The following PTPRQ variants were observed in gnomAD, a reference collection of about 807,000 sequenced individuals.
PTPRQ encodes the protein protein tyrosine phosphatase receptor type Q, also known as phosphatidylinositol phosphatase PTPRQ.
PTPRQ carries 199 observed loss-of-function variants against 246.0 expected under a neutral mutation model. That is an observed-to-expected ratio of 0.81 (90% confidence interval 0.72 to 0.91). PTPRQ has a LOEUF of 0.91. PTPRQ is among the 40% of genes least tolerant of loss of function. The pLI is 0.00. For synonymous variants in PTPRQ, 869 were observed against 853.2 expected, an observed-to-expected ratio of 1.02 and a Z score of -0.32; for missense variants, 2,624 against 2,528.4, an observed-to-expected ratio of 1.04 and a Z score of -0.81.
At chr12:80,595,734 G>A (rs1335126820) in intron 26 of PTPRQ, among the ~76,000 whole-genome samples, 1 of 91,840 alleles carries the variant, frequency 1.1e-5, no homozygotes, top group East Asian at 3.2e-4. Flanking sequence ...TCCCACAACA[G>A]TCCCCAGAGT....
chr12:80,552,062 C>T lies in PTPRQ; in HGVS notation c.4285+2328C>T, dbSNP rs777182799. Among the ~76,000 whole-genome samples, 10 of 152,076 alleles carry T rather than the reference C, an allele frequency of 6.6e-5. 1 individual carries two copies. Among genetic ancestry groups the T allele is most frequent in the Admixed American group, 5.9e-4 (9 of 15,242 alleles). On this transcript the variant is annotated intron_variant, in intron 25 of 44. Transcript: ENST00000644991. ...CTGGACTTCATCCCAGACTTGCTGACTCATAGCCTCAATGAGTGAAGCTTA... is the reference window on the plus strand; with the variant it reads ...CTGGACTTCATCCCAGACTTGCTGATTCATAGCCTCAATGAGTGAAGCTTA...
chr12:80,521,608 A>G (rs1565761378), intron 17 of PTPRQ, among the ~76,000 whole-genome samples: 1 of 152,052 alleles, frequency 6.6e-6, no homozygotes, highest in Non-Finnish European at 1.5e-5. Flanking sequence ...AGCACCATTT[A>G]TTAAATAGGG....
chr12:80,461,260 C>T (rs12313529), intron 6 of PTPRQ, among the ~76,000 whole-genome samples: 14,618 of 152,034 alleles, frequency 0.096, 1,478 homozygotes, highest in African/African-American at 0.25. Context: ...TCATCAAAAG[C>T]AGAAATACCT....
chr12:80,525,502 A>C (rs1353895243), intron 17 of PTPRQ, among the ~76,000 whole-genome samples: 1 of 152,168 alleles, frequency 6.6e-6, no homozygotes, highest in Non-Finnish European at 1.5e-5. Context: ...TTGAGTCTTG[A>C]AGCCAGAATA....
At chr12:80,637,319 A>G (rs940326569) in intron 35 of PTPRQ, among the ~76,000 whole-genome samples, 4 of 152,142 alleles carry the variant, frequency 2.6e-5, no homozygotes, top group African/African-American at 7.2e-5. Context: ...GGTCTACTTT[A>G]TTTGACCTTC....
chr12:80,546,527 T>A (rs1408133332), intron 23 of PTPRQ, 29 bp from the exon 24 acceptor site: 1 of 1,532,342 alleles, frequency 6.5e-7, no homozygotes, highest in Non-Finnish European at 8.8e-7. Flanking sequence ...GACAGTGCAT[T>A]AACTAATAAC....
intron 25 of PTPRQ, among the ~76,000 whole-genome samples, chr12:80,567,848 G>C (rs1447811867): frequency 1.3e-5 from 2 of 152,110 alleles, no homozygotes; most frequent in African/African-American, 4.8e-5. Flanking sequence ...TGCACTGTAT[G>C]AAATACATAC....
intron 25 of PTPRQ, among the ~76,000 whole-genome samples, chr12:80,587,391 A>T (rs1159056773): frequency 6.6e-6 from 1 of 152,168 alleles, no homozygotes; most frequent in Non-Finnish European, 1.5e-5. Context: ...ATATCACTTA[A>T]TTGATTGCTC....
intron 24 of PTPRQ, 53 bp from the exon 25 acceptor site, chr12:80,549,412 A>T: frequency 6.8e-7 from 1 of 1,461,404 alleles, no homozygotes; most frequent in Non-Finnish European, 9.1e-7. Flanking sequence ...TCAATCAATT[A>T]TCTACTTACA....
chr12:80,472,732 G>C (rs750141306), intron 8 of PTPRQ, among the ~76,000 whole-genome samples: 1 of 152,110 alleles, frequency 6.6e-6, no homozygotes, highest in Non-Finnish European at 1.5e-5. Flanking sequence ...AGCATTTACT[G>C]AAATTATGAA....
chr12:80,545,021 A>G (rs58213993), intron 23 of PTPRQ, among the ~76,000 whole-genome samples: 5,511 of 152,226 alleles, frequency 0.036, 363 homozygotes, highest in African/African-American at 0.13. Context: ...CTTTTTGACA[A>G]CATATTCTTG....
intron 33 of PTPRQ, among the ~76,000 whole-genome samples, chr12:80,630,334 G>A (rs1171040574): frequency 6.6e-6 from 1 of 151,958 alleles, no homozygotes; most frequent in African/African-American, 2.4e-5. Flanking sequence ...GTTTTCTCTT[G>A]ATGTCCTTTA....
At chr12:80,444,693 G>T (rs1300734922) in intron 1 of PTPRQ, 48 bp from the exon 2 acceptor site, 1 of 1,380,342 alleles carries the variant, frequency 7.2e-7, no homozygotes, top group Non-Finnish European at 1.0e-6. Flanking sequence ...TAGCTTGCTT[G>T]CTTTCCAGAA....
In PTPRQ at chr12:80,616,960, C is replaced by T. The variant is rs563781811; in HGVS notation, c.5230+694C>T. On this transcript the variant is annotated intron_variant, in intron 30 of 44. Coordinates refer to ENST00000644991, the MANE Select transcript of PTPRQ (RefSeq NM_001145026.2). ...ATCTCTCTAAAAATGTGTAATAAAA[C>T]CTTCAGAGAGGTTTTAAAAACAGAA... 7.0e-4 allele frequency among the ~76,000 whole-genome samples: 106 copies of T among 151,206 alleles called. 1 individual carries two copies. In the Middle Eastern group the frequency reaches 0.017, roughly 24 times the overall value.
At chr12:80,670,301 A>G (rs1291548542) in intron 41 of PTPRQ, 43 bp from the exon 42 acceptor site, 1 of 1,542,578 alleles carries the variant, frequency 6.5e-7, no homozygotes, top group Admixed American at 2.0e-5. Context: ...TCATTGTGGA[A>G]CTTAAATAAT....
chr12:80,569,235 G>C lies in PTPRQ; in HGVS notation c.4286-18894G>C, dbSNP rs569820614. ...TGTTTGGTTTTTTGTTCTTGCGATA[G>C]TTTACTGAGAATGATGATTTCCAAT... On this transcript the variant is annotated intron_variant, in intron 25 of 44. Coordinates refer to ENST00000644991, the MANE Select transcript of PTPRQ (RefSeq NM_001145026.2). 1.3e-4 allele frequency among the ~76,000 whole-genome samples: 20 copies of C among 149,000 alleles called. 1 individual carries two copies. The South Asian group carries it at 4.2e-3, about 32-fold the overall frequency.
intron 25 of PTPRQ, among the ~76,000 whole-genome samples, chr12:80,577,045 G>C (rs1592676452): frequency 6.6e-6 from 1 of 152,158 alleles, no homozygotes; most frequent in Admixed American, 6.5e-5. Flanking sequence ...TCTAAGAACT[G>C]TTTCAGATAA....
rs182204068 is a variant in PTPRQ at position 80,543,532 on chromosome 12, T to A, written c.3873+651T>A. Among the ~76,000 whole-genome samples the A allele has an allele frequency of 4.6e-3, 696 of 152,132 alleles. 14 individuals carry two copies. Among genetic ancestry groups the A allele is most frequent in the Admixed American group, 0.04 (614 of 15,262 alleles). On this transcript the variant is annotated intron_variant, in intron 23 of 44. Transcript: ENST00000644991. ...GCATTTATTTAAGAAAAGTTTCTTA[T>A]TTTTTTCCCCAAAGGCAAATGAAGT...
chr12:80,534,750 C>A, intron 18 of PTPRQ, 142 bp from the exon 19 acceptor site: 3 of 1,064,746 alleles, frequency 2.8e-6, no homozygotes, highest in Non-Finnish European at 3.9e-6. Flanking sequence ...TTATGGATTT[C>A]ATTTCTGACA....
Sources: allele counts gnomAD v4.1 joint callset (sites outside exome capture counted in the v4.1 genomes callset), GRCh38; gene constraint gnomAD v4.1.1; transcripts MANE v1.5; gene names NCBI Gene and HGNC (gene_info 2026-07-23, HGNC 2026-07-21).